The following NLK variants were observed in gnomAD, a reference collection of about 807,000 sequenced individuals.
The protein encoded by NLK is serine/threonine-protein kinase NLK.
In NLK, 11 loss-of-function variants were observed where a neutral mutation model predicts 59.0. That is an observed-to-expected ratio of 0.19 (90% CI 0.12 to 0.31). NLK has a LOEUF of 0.31. NLK is among the 10% of genes least tolerant of loss of function. The pLI is 1.00. For synonymous variants in NLK, 235 were observed against 235.9 expected, an observed-to-expected ratio of 1.00 and a Z score of 0.03; for missense variants, 410 against 661.1, an observed-to-expected ratio of 0.62 and a Z score of 4.16.
intron 3 of NLK, among the ~76,000 whole-genome samples, chr17:28,138,790 G>A (rs966562871): frequency 5.3e-5 from 8 of 152,124 alleles, no homozygotes; most frequent in African/African-American, 1.9e-4. Context: ...AGGAAATTCT[G>A]TTTTATTCAT....
chr17:28,083,902 T>C (rs1237778815), intron 1 of NLK, among the ~76,000 whole-genome samples: 1 of 152,158 alleles, frequency 6.6e-6, no homozygotes, highest in Non-Finnish European at 1.5e-5. Context: ...GTTTAAGTTA[T>C]GTTGAGTAGT....
intron 1 of NLK, among the ~76,000 whole-genome samples, chr17:28,059,824 A>G (rs1909567681): frequency 6.6e-6 from 1 of 152,180 alleles, no homozygotes; most frequent in Non-Finnish European, 1.5e-5. Context: ...ATGTGAAGTC[A>G]CTAAATGCTG....
chr17:28,070,360 T>TA (rs1170737884), intron 1 of NLK, among the ~76,000 whole-genome samples: 1 of 149,400 alleles, frequency 6.7e-6, no homozygotes, highest in East Asian at 1.9e-4. Flanking sequence ...ATTAATTTTT[T>TA]TTTTTTTTTT....
rs577403391 is a variant in NLK at position 28,150,455 on chromosome 17, C to CT, written c.645-10704dup. ...TGAGCTAGTCTTGGCTTTTTACTGA[C>CT]TGGGAATGTGACCTTAGGTAAAGAA... On this transcript the variant is annotated intron_variant, in intron 3 of 10. Coordinates refer to ENST00000407008, the MANE Select transcript of NLK (RefSeq NM_016231.5). 2.0e-4 allele frequency among the ~76,000 whole-genome samples: 30 copies of CT among 152,242 alleles called. 1 individual carries two copies. In the East Asian group the frequency reaches 5.8e-3, roughly 29 times the overall value.
intron 3 of NLK, among the ~76,000 whole-genome samples, chr17:28,149,447 A>G (rs1169331693): frequency 6.6e-6 from 1 of 152,350 alleles, no homozygotes; most frequent in Non-Finnish European, 1.5e-5. Context: ...TAAATTGCCA[A>G]TTAGTTTGCA....
At chr17:28,047,466 A>G (rs771974515) in intron 1 of NLK, among the ~76,000 whole-genome samples, 19 of 152,224 alleles carry the variant, frequency 1.2e-4, no homozygotes, top group Non-Finnish European at 2.4e-4. Context: ...ACACATTTGT[A>G]TGGACTTTGT....
intron 7 of NLK, among the ~76,000 whole-genome samples, chr17:28,173,014 G>T (rs894412134): frequency 1.3e-5 from 2 of 152,186 alleles, no homozygotes; most frequent in African/African-American, 4.8e-5. Context: ...GGACTGTGAA[G>T]CTGTTGCTAT....
rs774925089 is a variant in NLK at position 28,132,622 on chromosome 17, A to G, written c.591A>G (p.Val197=). The change falls in exon 3 of 11, where the codon GTA becomes GTG. Residue 197 remains valine (V), a splice_region_variant and synonymous_variant. Coordinates refer to ENST00000407008, the MANE Select transcript of NLK (RefSeq NM_016231.5). ...GACTTTTTTTTTCCTTTTCTCAGGTACTCTCTGCCCTTGACATACTCCAAC... is the reference window on the plus strand; with the variant it reads ...GACTTTTTTTTTCCTTTTCTCAGGTGCTCTCTGCCCTTGACATACTCCAAC... ...KMLCFFKHDN[V]LSALDILQPP... is the part of the protein sequence containing the mutation. 9 of 1,607,024 alleles carry G rather than the reference A, an allele frequency of 5.6e-6. No individual in the cohort carries two copies. The Admixed American group carries it at 1.3e-4, about 24-fold the overall frequency.
chr17:28,061,269 T>G (rs1400370186), intron 1 of NLK, among the ~76,000 whole-genome samples: 3 of 152,184 alleles, frequency 2.0e-5, no homozygotes, highest in Non-Finnish European at 2.9e-5. Context: ...TTTTAAAAGG[T>G]GTCTATAACC....
At chr17:28,058,647 C>T (rs1006209512) in intron 1 of NLK, among the ~76,000 whole-genome samples, 6 of 152,116 alleles carry the variant, frequency 3.9e-5, no homozygotes, top group African/African-American at 1.4e-4. Context: ...GCTACTCAGC[C>T]TACTTAGGAG....
intron 1 of NLK, among the ~76,000 whole-genome samples, chr17:28,056,169 G>A (rs1227800654): frequency 4.6e-5 from 7 of 152,194 alleles, no homozygotes; most frequent in Non-Finnish European, 4.4e-5. Flanking sequence ...TGATCACACT[G>A]TATTTACAAT....
intron 1 of NLK, among the ~76,000 whole-genome samples, chr17:28,098,870 C>T (rs540753234): frequency 1.1e-4 from 16 of 151,570 alleles, no homozygotes; most frequent in African/African-American, 3.2e-4. Context: ...TTAGTAGAGA[C>T]GGGGTTTCTG....
intron 3 of NLK, among the ~76,000 whole-genome samples, chr17:28,160,347 AC>A (rs1204690367): frequency 6.6e-6 from 1 of 152,242 alleles, no homozygotes; most frequent in Non-Finnish European, 1.5e-5. Flanking sequence ...CCCCTTTCCT[AC>A]TTGTTTTTGC....
chr17:28,162,041 A>T (rs576653888), intron 4 of NLK, among the ~76,000 whole-genome samples: 10 of 152,180 alleles, frequency 6.6e-5, no homozygotes, highest in African/African-American at 2.4e-4. Flanking sequence ...TTTCAGACAG[A>T]GTCTTGCTCT....
rs551198427 is a variant in NLK at position 28,195,939 on chromosome 17, T to C, written c.*1303T>C. 1 of 152,754 alleles carries C rather than the reference T, an allele frequency of 6.5e-6. No homozygotes were observed. Among genetic ancestry groups the C allele is most frequent in the Non-Finnish European group, 1.5e-5 (1 of 68,028 alleles). The allele number at this position is 152,754 out of a possible 1,614,324, so 9.5% of individuals were successfully genotyped here. On this transcript the variant is annotated 3_prime_UTR_variant, in exon 11 of 11. Transcript: ENST00000407008. The stretch of plus-strand genomic sequence containing the variant: ...TACAAGGAATACTAATGGATCGTCT[T>C]AAAATTGGTCTAGGAAAAAACCTTG...
chr17:28,120,169 A>G (rs904899858), intron 1 of NLK, among the ~76,000 whole-genome samples: 9 of 152,136 alleles, frequency 5.9e-5, no homozygotes, highest in African/African-American at 2.2e-4. Context: ...ATACAGCAAT[A>G]TATCAATGTC....
At chr17:28,190,661 T>A (rs930272607) in intron 8 of NLK, among the ~76,000 whole-genome samples, 1 of 152,136 alleles carries the variant, frequency 6.6e-6, no homozygotes, top group African/African-American at 2.4e-5. Flanking sequence ...TTAGAAAATA[T>A]AGCCTGTTAT....
chr17:28,144,447 C>T (rs992777567), intron 3 of NLK, among the ~76,000 whole-genome samples: 5 of 151,598 alleles, frequency 3.3e-5, no homozygotes, highest in Admixed American at 1.3e-4. Flanking sequence ...TTCACCTCTC[C>T]ATTAAAAAAT....
chr17:28,061,809 A>G (rs74354325), intron 1 of NLK, among the ~76,000 whole-genome samples: 2 of 146,582 alleles, frequency 1.4e-5, no homozygotes, highest in South Asian at 4.2e-4. Context: ...ATATACATAT[A>G]CATATATAAT....
Sources: gnomAD v4.1 joint callset for allele counts (sites outside exome capture counted in the v4.1 genomes callset) on GRCh38, gnomAD v4.1.1 for gene constraint, MANE v1.5 for transcripts, NCBI Gene and HGNC (gene_info 2026-07-23, HGNC 2026-07-21) for gene names.